The following CLSTN3 variants were observed in gnomAD, a reference collection of about 807,000 sequenced individuals.
CLSTN3 encodes calsyntenin 3, also known as calsyntenin-3.
A neutral mutation model predicts 95.9 loss-of-function variants in CLSTN3; 36 were observed. That is an observed-to-expected ratio of 0.38 (90% CI 0.29 to 0.50). The LOEUF is 0.50. CLSTN3 is among the 20% of genes least tolerant of loss of function. CLSTN3 has a pLI of 0.95. For missense variants in CLSTN3, 1,084 were observed against 1,268.8 expected (o/e 0.85, Z 2.21); for synonymous variants, 481 against 504.0 (o/e 0.95, Z 0.61).
chr12:7,131,103 G>C (rs1939291293), intron 1 of CLSTN3: 1 of 376,276 alleles, frequency 2.7e-6, no homozygotes, highest in Non-Finnish European at 5.0e-6. Context: ...CGCATGCTAA[G>C]GGTGTGTGGC....
At position 7,150,533 on chromosome 12, in the gene CLSTN3, C is replaced by G. The variant is rs753841496; in HGVS notation, c.2246-11C>G. The G allele has an allele frequency of 6.2e-7, 1 of 1,604,540 alleles. No individual in the cohort carries two copies. Among genetic ancestry groups the G allele is most frequent in the South Asian group, 1.1e-5 (1 of 90,794 alleles). The stretch of plus-strand genomic sequence containing the variant: ...ACTGGCCCCTGCCCTGAGGTGCTTC[C>G]TCATCTCCAGGGGTGGAGAGCATCA... On this transcript the variant is annotated splice_polypyrimidine_tract_variant and intron_variant, in intron 14 of 17. Coordinates refer to ENST00000266546, the MANE Select transcript of CLSTN3 (RefSeq NM_014718.4). This position sits in a 1 kb window ranked among gnomAD's most constrained non-coding sequence, Gnocchi z 4.0.
intron 9 of CLSTN3, 25 bp from the exon 10 acceptor site, chr12:7,142,059 CTG>C: frequency 1.6e-6 from 2 of 1,281,520 alleles, no homozygotes; most frequent in East Asian, 2.6e-5. Flanking sequence ...CTCACCAGCA[CTG>C]TTTTTTTTTT....
At position 7,149,779 on chromosome 12, in the gene CLSTN3, C is replaced by T; in HGVS notation, c.2245+86C>T. On this transcript the variant is annotated intron_variant, in intron 14 of 17. Coordinates refer to ENST00000266546, the MANE Select transcript of CLSTN3 (RefSeq NM_014718.4). This position sits in a 1 kb window ranked among gnomAD's most constrained non-coding sequence, Gnocchi z 4.5. ...CTAGGAAGCCCAGAGGGTCCTCCTTCCAGGTCCAGGGATGTGGACAAGTGC... is the reference window on the plus strand; with the variant it reads ...CTAGGAAGCCCAGAGGGTCCTCCTTTCAGGTCCAGGGATGTGGACAAGTGC... The T allele has an allele frequency of 7.7e-7, 1 of 1,293,656 alleles. No individual in the cohort carries two copies. The highest frequency in any genetic ancestry group is 2.4e-5 in the East Asian group (1 of 41,554). 80.1% of individuals were successfully genotyped at this position (1,293,656 alleles called of 1,614,324 possible). A position where few individuals can be genotyped will look rare whatever the true frequency, so the allele number is the denominator to read the frequency against.
rs1205383001 is a variant in CLSTN3, at chr12:7,150,978, C to G, written c.2442C>G (p.Leu814=). 3 of 1,613,416 alleles carry G rather than the reference C, an allele frequency of 1.9e-6. No homozygotes were observed. The highest frequency in any genetic ancestry group is 2.5e-6 in the Non-Finnish European group (3 of 1,179,572). Residue 814 remains leucine (L), a synonymous_variant, in exon 16 of 18, where the codon CTC becomes CTG. Coordinates refer to ENST00000266546, the MANE Select transcript of CLSTN3 (RefSeq NM_014718.4). This position sits in a 1 kb window ranked among gnomAD's most constrained non-coding sequence, Gnocchi z 4.0. The part of the protein sequence containing the change: ...MNRVAHPSHV[L]SSQQFLHRGH... ...GGGTTGCCCACCCCAGCCACGTGCT[C>G]AGCTCCCAGCAGTTCCTGCACCGTG...
rs768487238 is a variant in CLSTN3 at position 7,137,795 on chromosome 12, T to TGTGTGTGTGTGTGTGA, written c.1211-159_1211-158insTGTGTGTGTGTGTGAG. Among the ~76,000 whole-genome samples, 29 of 70,666 alleles carry TGTGTGTGTGTGTGTGA rather than the reference T, an allele frequency of 4.1e-4. No individual in the cohort carries two copies. Among genetic ancestry groups the TGTGTGTGTGTGTGTGA allele is most frequent in the African/African-American group, 1.1e-3 (22 of 19,448 alleles). The allele number at this position is 70,666 out of a possible 152,430, so 46.4% of individuals were successfully genotyped here. A position where few individuals can be genotyped will look rare whatever the true frequency, so the allele number is the denominator to read the frequency against. ...GTGTGTGTGTGTGTGTGTGTGTGTG[T>TGTGTGTGTGTGTGTGA]GAGAGAGAGAGAGAGAGAGAGAGAG... On this transcript the variant is annotated intron_variant, in intron 7 of 17. Transcript: ENST00000266546. This position sits in a 1 kb window ranked among gnomAD's most constrained non-coding sequence, Gnocchi z 4.4.
rs1272489376 is a variant in CLSTN3 at position 7,137,783 on chromosome 12, TGTGTGTGTGTGTGA to T, written c.1211-170_1211-157del. Among the ~76,000 whole-genome samples the T allele has an allele frequency of 6.0e-4, 67 of 111,854 alleles. No homozygotes were observed. The highest frequency in any genetic ancestry group is 1.9e-3 in the African/African-American group (65 of 33,592). 73.4% of individuals were successfully genotyped at this position (111,854 alleles called of 152,430 possible). A position where few individuals can be genotyped will look rare whatever the true frequency, so the allele number is the denominator to read the frequency against. ...GTGTGTGTGTGTGTGTGTGTGTGTG[TGTGTGTGTGTGTGA>T]GAGAGAGAGAGAGAGAGAGAGAGAG... On this transcript the variant is annotated intron_variant, in intron 7 of 17. Coordinates refer to ENST00000266546, the MANE Select transcript of CLSTN3 (RefSeq NM_014718.4). The surrounding 1 kb of genome is among the most constrained non-coding windows in gnomAD (Gnocchi z 4.4).
At chr12:7,138,828 G>A (rs1412068486) in intron 8 of CLSTN3, 2 of 33,550 alleles carry the variant, frequency 6.0e-5, no homozygotes, top group African/African-American at 1.3e-4. Flanking sequence ...TAAGCAAACG[G>A]CAAAAAAAAA....
intron 16 of CLSTN3, among the ~76,000 whole-genome samples, chr12:7,155,028 C>T (rs1477618991): frequency 2.0e-5 from 3 of 152,062 alleles, no homozygotes; most frequent in South Asian, 2.1e-4. Context: ...CCTGGGAGTG[C>T]GGGGGGCAGA....
At chr12:7,138,164 C>T in intron 8 of CLSTN3, 97 bp downstream of exon 8, 1 of 806,186 alleles carries the variant, frequency 1.2e-6, no homozygotes, top group Non-Finnish European at 2.0e-6. Context: ...TCTGGGTTCC[C>T]CCTTGCCCTC....
chr12:7,149,541 C>T lies in CLSTN3; in HGVS notation c.2093C>T (p.Ser698Leu), dbSNP rs149690531. The T allele has an allele frequency of 1.2e-5, 20 of 1,613,408 alleles. No homozygotes were observed. The highest frequency in any genetic ancestry group is 2.7e-5 in the African/African-American group (2 of 74,906). The stretch of plus-strand genomic sequence containing the variant: ...AACCCAGTGACAGACACACGCATGT[C>T]GGATGAGATTGTGCACAACCTGGAT... The part of the protein sequence containing the change: ...WQGTVTDTRM[S>L]DEIVHNLDGC... Residue 698 changes from serine to leucine, a missense_variant, in exon 14 of 18, where the codon TCG becomes TTG. Coordinates refer to ENST00000266546, the MANE Select transcript of CLSTN3 (RefSeq NM_014718.4). The surrounding 1 kb of genome is among the most constrained non-coding windows in gnomAD (Gnocchi z 4.5).
intron 16 of CLSTN3, among the ~76,000 whole-genome samples, chr12:7,154,501 G>A (rs1364011162): frequency 6.6e-6 from 1 of 152,192 alleles, no homozygotes; most frequent in African/African-American, 2.4e-5. Context: ...GTAGATAGGT[G>A]GTTAAGAGTG....
At chr12:7,152,914 A>G (rs1939748980) in intron 16 of CLSTN3, among the ~76,000 whole-genome samples, 1 of 152,054 alleles carries the variant, frequency 6.6e-6, no homozygotes, top group Non-Finnish European at 1.5e-5. Context: ...CCTTCTCCCC[A>G]GATGTTTGAT....
In CLSTN3 at chr12:7,141,187, A is replaced by G. The variant is rs1208172966; in HGVS notation, c.1324-55A>G. 21 of 1,569,416 alleles carry G rather than the reference A, an allele frequency of 1.3e-5. No individual in the cohort carries two copies. In the Admixed American group the frequency reaches 3.8e-4, roughly 28 times the overall value. ...AGGAGATGGGGCAGTGCCTAGGGTT[A>G]GCTCTCTGAAGACGAATTACCTGAG... On this transcript the variant is annotated intron_variant, in intron 8 of 17. Coordinates refer to ENST00000266546, the MANE Select transcript of CLSTN3 (RefSeq NM_014718.4). This position sits in a 1 kb window ranked among gnomAD's most constrained non-coding sequence, Gnocchi z 4.1.
intron 16 of CLSTN3, among the ~76,000 whole-genome samples, chr12:7,154,938 C>T (rs1398870731): frequency 6.6e-6 from 1 of 152,196 alleles, no homozygotes; most frequent in Admixed American, 6.5e-5. Flanking sequence ...TGACCCTGAG[C>T]TTCTTCAAAG....
Position 7,157,664 on chromosome 12 carries a change from T to A in CLSTN3, c.2703T>A (p.Ala901=), listed in dbSNP as rs774499375. The A allele has an allele frequency of 1.9e-6, 3 of 1,600,072 alleles. No individual in the cohort carries two copies. The highest frequency in any genetic ancestry group is 2.6e-6 in the Non-Finnish European group (3 of 1,172,886). ...CAGACCTCTTCTGGGATGACTCAGCTCTCACCATCATTGTGAACCCCATGG... is the reference window on the plus strand; with the variant it reads ...CAGACCTCTTCTGGGATGACTCAGCACTCACCATCATTGTGAACCCCATGG... ...KDPDLFWDDS[A]LTIIVNPMES... The change falls in exon 17 of 18, where the codon GCT becomes GCA. Residue 901 remains alanine, a synonymous_variant. Transcript: ENST00000266546. The surrounding 1 kb of genome is among the most constrained non-coding windows in gnomAD (Gnocchi z 5.9).
At position 7,150,504 on chromosome 12, in the gene CLSTN3, C is replaced by T. The variant is rs754942474; in HGVS notation, c.2246-40C>T. 2 of 1,588,710 alleles carry T rather than the reference C, an allele frequency of 1.3e-6. No individual in the cohort carries two copies. The highest frequency in any genetic ancestry group is 2.2e-5 in the South Asian group (2 of 89,580). On this transcript the variant is annotated intron_variant, in intron 14 of 17. Transcript: ENST00000266546. This position sits in a 1 kb window ranked among gnomAD's most constrained non-coding sequence, Gnocchi z 4.0. ...AGAGAGGGTCCTGCCCAGGTCCTGC[C>T]TCCACTGGCCCCTGCCCTGAGGTGC...
At chr12:7,151,897 A>T (rs750255942) in intron 16 of CLSTN3, among the ~76,000 whole-genome samples, 1 of 151,882 alleles carries the variant, frequency 6.6e-6, no homozygotes, top group Admixed American at 6.6e-5. Context: ...TACAAAAAAT[A>T]AAAAAAATTA....
At chr12:7,145,187 G>A (rs1939603434) in intron 12 of CLSTN3, among the ~76,000 whole-genome samples, 1 of 152,154 alleles carries the variant, frequency 6.6e-6, no homozygotes. Flanking sequence ...CCAGGATAGA[G>A]GTTTATCCAA....
intron 3 of CLSTN3, among the ~76,000 whole-genome samples, chr12:7,134,697 G>T (rs1939370414): frequency 6.6e-6 from 1 of 152,198 alleles, no homozygotes; most frequent in South Asian, 2.1e-4. Context: ...TTTTAATTTG[G>T]CTTTTACTCT....
Sources: allele counts gnomAD v4.1 joint callset (sites outside exome capture counted in the v4.1 genomes callset), GRCh38; gene constraint gnomAD v4.1.1; non-coding constraint Gnocchi (gnomAD v3.1); transcripts MANE v1.5; gene names NCBI Gene and HGNC (gene_info 2026-07-23, HGNC 2026-07-21).